CRTC3: variants seen among roughly 807,000 people sequenced by gnomAD.
The protein encoded by CRTC3 is CREB regulated transcription coactivator 3, also known as CREB-regulated transcription coactivator 3.
In CRTC3, 26 loss-of-function variants were observed where a neutral mutation model predicts 74.5. That is an observed-to-expected ratio of 0.35 (90% confidence interval 0.26 to 0.48). The LOEUF (loss-of-function observed/expected upper bound fraction) is 0.48. Ranked by LOEUF, CRTC3 falls within the 20% of genes least tolerant of loss-of-function variation. CRTC3 has a pLI of 0.99. For synonymous variants in CRTC3, 377 were observed against 325.8 expected, an observed-to-expected ratio of 1.16 and a Z score of -1.69; for missense variants, 760 against 787.3, an observed-to-expected ratio of 0.97 and a Z score of 0.41.
rs1969472227 is a variant in CRTC3, at chr15:90,642,147, G to A, written c.*7G>A. 6.2e-7 allele frequency: 1 copy of A among 1,612,772 alleles called. No homozygotes were observed. Among genetic ancestry groups the A allele is most frequent in the Admixed American group, 1.7e-5 (1 of 59,984 alleles). On this transcript the variant is annotated 3_prime_UTR_variant, in exon 15 of 15. Transcript: ENST00000268184. ...TCGAGCTGACAGACTGTGAACAGAA[G>A]GCAGTGGAACAGAAGAATGTTTTTC...
At chr15:90,613,852 A>G (rs1193402523) in intron 6 of CRTC3, 2 of 152,240 alleles carry the variant, frequency 1.3e-5, no homozygotes, top group Non-Finnish European at 2.9e-5. Context: ...AGTATAATTT[A>G]TGGATTAAAA....
intron 2 of CRTC3, among the ~76,000 whole-genome samples, chr15:90,571,673 C>A (rs966465203): frequency 6.6e-6 from 1 of 152,140 alleles, no homozygotes; most frequent in African/African-American, 2.4e-5. Flanking sequence ...AAGCATGAAA[C>A]ATGAAAAGTA....
chr15:90,625,585 A>G (rs983626765), intron 9 of CRTC3, among the ~76,000 whole-genome samples, 191 bp from the exon 10 acceptor site: 9 of 152,148 alleles, frequency 5.9e-5, no homozygotes, highest in Non-Finnish European at 1.2e-4. Context: ...GGGCACAGGT[A>G]GTGGGTGAGG....
chr15:90,547,972 T>C (rs1966847452), intron 2 of CRTC3, among the ~76,000 whole-genome samples: 1 of 140,080 alleles, frequency 7.1e-6, no homozygotes, highest in Non-Finnish European at 1.5e-5. Flanking sequence ...CACTGCAACC[T>C]CCACCTCCTG....
chr15:90,533,084 C>CAAAAAAAA (rs766911510), intron 1 of CRTC3, among the ~76,000 whole-genome samples: 1 of 18,876 alleles, frequency 5.3e-5, no homozygotes, highest in African/African-American at 2.2e-4. Context: ...GACTTCATCT[C>CAAAAAAAA]AAAAAAAAAA....
chr15:90,563,982 C>G (rs566673790), intron 2 of CRTC3, among the ~76,000 whole-genome samples: 1 of 152,258 alleles, frequency 6.6e-6, no homozygotes, highest in Admixed American at 6.5e-5. Flanking sequence ...TGAACTTTTG[C>G]TGTGCATCAG....
At chr15:90,586,362 C>CTTTTTTTTTTTTTTTTT (rs55985691) in intron 2 of CRTC3, among the ~76,000 whole-genome samples, 1 of 81,266 alleles carries the variant, frequency 1.2e-5, no homozygotes, top group Non-Finnish European at 2.3e-5. Flanking sequence ...GGTAGAACTT[C>CTTTTTTTTTTTTTTTTT]TTTTTTTTTT....
intron 6 of CRTC3, among the ~76,000 whole-genome samples, chr15:90,608,184 T>C (rs1320069280): frequency 6.6e-6 from 1 of 151,936 alleles, no homozygotes; most frequent in Non-Finnish European, 1.5e-5. Flanking sequence ...TAACCCGGAG[T>C]GGGGAAGAGG....
intron 2 of CRTC3, among the ~76,000 whole-genome samples, chr15:90,552,403 C>T (rs1966861384): frequency 6.6e-6 from 1 of 152,240 alleles, no homozygotes; most frequent in Non-Finnish European, 1.5e-5. Flanking sequence ...AAAGTAGCTT[C>T]TTGTGTCATC....
intron 1 of CRTC3, among the ~76,000 whole-genome samples, chr15:90,532,652 C>G (rs1184808451): frequency 1.3e-5 from 2 of 152,168 alleles, no homozygotes; most frequent in East Asian, 3.8e-4. Flanking sequence ...TCCTATTCAC[C>G]TAGTGGGTAG....
chr15:90,588,799 A>G (rs1295456402), intron 2 of CRTC3, among the ~76,000 whole-genome samples: 3 of 152,120 alleles, frequency 2.0e-5, no homozygotes, highest in Non-Finnish European at 4.4e-5. Context: ...ACCTTTGACA[A>G]GATGCTTCCC....
At chr15:90,575,867 C>T (rs1967391785) in intron 2 of CRTC3, among the ~76,000 whole-genome samples, 1 of 152,096 alleles carries the variant, frequency 6.6e-6, no homozygotes, top group Non-Finnish European at 1.5e-5. Context: ...TACTGCCAAC[C>T]AAATGAACTT....
Position 90,617,978 on chromosome 15 carries a change from C to T in CRTC3, c.699+10C>T. Reference sequence around the variant, plus strand: ...GTGGGAGACCAAGGAGGTGGGTGAACAGTACTCAGCTATGTTTGTTGTCAC... The same window carrying T: ...GTGGGAGACCAAGGAGGTGGGTGAATAGTACTCAGCTATGTTTGTTGTCAC... On this transcript the variant is annotated intron_variant, in intron 8 of 14. Coordinates refer to ENST00000268184, the MANE Select transcript of CRTC3 (RefSeq NM_022769.5). 1.3e-6 allele frequency: 2 copies of T among 1,549,010 alleles called. No homozygotes were observed. The highest frequency in any genetic ancestry group is 1.8e-6 in the Non-Finnish European group (2 of 1,120,958).
Position 90,576,074 on chromosome 15 carries a change from G to A in CRTC3, c.232-17562G>A, listed in dbSNP as rs565906870. Among the ~76,000 whole-genome samples the A allele has an allele frequency of 1.2e-4, 18 of 152,194 alleles. No homozygotes were observed. The South Asian group carries it at 3.7e-3, about 32-fold the overall frequency. On this transcript the variant is annotated intron_variant, in intron 2 of 14. Coordinates refer to ENST00000268184, the MANE Select transcript of CRTC3 (RefSeq NM_022769.5). ...AATCCAGGGGAGAATGGATAGATGAGGAGTTGAGGATAGTATTGGGTTCAA... is the reference window on the plus strand; with the variant it reads ...AATCCAGGGGAGAATGGATAGATGAAGAGTTGAGGATAGTATTGGGTTCAA...
intron 3 of CRTC3, chr15:90,598,932 C>T (rs991078998): frequency 2.9e-5 from 5 of 170,938 alleles, no homozygotes; most frequent in Non-Finnish European, 6.3e-5. Context: ...CGGAGGCTCC[C>T]GCCACCCCCT....
Position 90,642,554 on chromosome 15 carries a change from C to T in CRTC3, c.*414C>T, listed in dbSNP as rs143824303. ...GAAGGCGGGCCCGGAGTGGGAGGCT[C>T]GGCCTGGGGCGGCGGCACCGGAGAG... On this transcript the variant is annotated 3_prime_UTR_variant, in exon 15 of 15. Transcript: ENST00000268184. The T allele has an allele frequency of 4.6e-4, 142 of 309,548 alleles. No homozygotes were observed. The highest frequency in any genetic ancestry group is 2.3e-3 in the African/African-American group (111 of 47,400). The allele number at this position is 309,548 out of a possible 1,614,324, so 19.2% of individuals were successfully genotyped here.
At chr15:90,590,860 A>G (rs1248698251) in intron 2 of CRTC3, among the ~76,000 whole-genome samples, 1 of 152,194 alleles carries the variant, frequency 6.6e-6, no homozygotes, top group Non-Finnish European at 1.5e-5. Context: ...AGAGATTAAC[A>G]CCCCACAACT....
intron 2 of CRTC3, among the ~76,000 whole-genome samples, chr15:90,581,259 C>T (rs1967534283): frequency 6.6e-6 from 1 of 151,972 alleles, no homozygotes; most frequent in Non-Finnish European, 1.5e-5. Flanking sequence ...GAGCTAGTGG[C>T]CAGATGAGGA....
intron 11 of CRTC3, chr15:90,635,118 A>G (rs1056733953): frequency 2.1e-5 from 13 of 631,320 alleles, no homozygotes; most frequent in East Asian, 5.5e-5. Flanking sequence ...AATAATTTCC[A>G]TATTTCTTAT....
Sources: gnomAD v4.1 joint callset for allele counts (sites outside exome capture counted in the v4.1 genomes callset) on GRCh38, gnomAD v4.1.1 for gene constraint, MANE v1.5 for transcripts, NCBI Gene and HGNC (gene_info 2026-07-23, HGNC 2026-07-21) for gene names.